TTLL5: variants seen among roughly 807,000 people sequenced by gnomAD.
The protein encoded by TTLL5 is tubulin polyglutamylase TTLL5.
A neutral mutation model predicts 168.4 loss-of-function variants in TTLL5; 132 were observed. That is an observed-to-expected ratio of 0.78 (90% confidence interval 0.68 to 0.91). The LOEUF is 0.91. Among genes scored for constraint, TTLL5 ranks in the 40% least tolerant of loss-of-function variants. The probability of loss-of-function intolerance (pLI) is 0.00; values close to 1 mark genes in which losing one functional copy is unlikely to be tolerated. For missense variants in TTLL5, 1,545 were observed against 1,581.5 expected, an observed-to-expected ratio of 0.98 and a Z score of 0.39; for synonymous variants, 546 against 558.6, an observed-to-expected ratio of 0.98 and a Z score of 0.32.
chr14:75,770,159 C>T (rs1412816115), intron 20 of TTLL5, among the ~76,000 whole-genome samples: 1 of 79,424 alleles, frequency 1.3e-5, no homozygotes, highest in Non-Finnish European at 2.3e-5. Flanking sequence ...GCCTGGGTGA[C>T]AAGAGCAAAA....
At chr14:75,721,813 T>C (rs369007253) in intron 12 of TTLL5, among the ~76,000 whole-genome samples, 3 of 152,202 alleles carry the variant, frequency 2.0e-5, no homozygotes, top group African/African-American at 7.2e-5. Context: ...CTGATCTCTT[T>C]AACAGATTAT....
Position 75,699,275 on chromosome 14 carries a change from G to A in TTLL5, c.585+5G>A, listed in dbSNP as rs1342445765. 6.2e-7 allele frequency: 1 copy of A among 1,613,250 alleles called. No homozygotes were observed. Among genetic ancestry groups the A allele is most frequent in the Admixed American group, 1.7e-5 (1 of 59,978 alleles). ...GGCGTCTACCTGATCAACAATGTAAGTATGCAGCAGATGGCAAACCTCTCT... is the reference window on the plus strand; with the variant it reads ...GGCGTCTACCTGATCAACAATGTAAATATGCAGCAGATGGCAAACCTCTCT... On this transcript the variant is annotated splice_donor_5th_base_variant and intron_variant, in intron 7 of 31. Coordinates refer to ENST00000298832, the MANE Select transcript of TTLL5 (RefSeq NM_015072.5).
In TTLL5 at chr14:75,919,336, A is replaced by G. The variant is rs577734989; in HGVS notation, c.3823+17112A>G. On this transcript the variant is annotated intron_variant, in intron 31 of 31. Transcript: ENST00000298832. ...CTTGAAAAATCCAAAACAGAAGTTC[A>G]CTCAGCAGTATGGAGTCATAATTTT... 2.0e-5 allele frequency among the ~76,000 whole-genome samples: 3 copies of G among 152,206 alleles called. No individual in the cohort carries two copies. In the South Asian group the frequency reaches 6.2e-4, roughly 32 times the overall value.
At chr14:75,932,764 C>CTG (rs147903330) in intron 31 of TTLL5, among the ~76,000 whole-genome samples, 10 of 151,618 alleles carry the variant, frequency 6.6e-5, no homozygotes, top group East Asian at 1.9e-4. Flanking sequence ...TTTTTAATGC[C>CTG]TGTGTGTGTG....
intron 31 of TTLL5, among the ~76,000 whole-genome samples, chr14:75,950,571 CAA>C (rs1013929574): frequency 1.1e-4 from 16 of 152,222 alleles, no homozygotes; most frequent in Non-Finnish European, 2.1e-4. Flanking sequence ...AGAGATGAAA[CAA>C]ATGGTACGAT....
intron 31 of TTLL5, among the ~76,000 whole-genome samples, chr14:75,918,324 G>A (rs1013066529): frequency 1.3e-5 from 2 of 152,236 alleles, no homozygotes; most frequent in South Asian, 4.1e-4. Context: ...AAGAAGGGGG[G>A]ATGGCTAATG....
chr14:75,717,674 G>T, intron 9 of TTLL5, 187 bp from the exon 10 acceptor site: 1 of 565,008 alleles, frequency 1.8e-6, no homozygotes. Context: ...TCATAGGGTT[G>T]CTTTAAGGAT....
At chr14:75,732,828 A>G (rs1466315323) in intron 13 of TTLL5, among the ~76,000 whole-genome samples, 1 of 152,212 alleles carries the variant, frequency 6.6e-6, no homozygotes, top group Non-Finnish European at 1.5e-5. Flanking sequence ...CCATGTGGAT[A>G]ATATGTGGTC....
intron 29 of TTLL5, among the ~76,000 whole-genome samples, chr14:75,881,442 C>T (rs1030429723): frequency 2.0e-5 from 3 of 152,188 alleles, no homozygotes; most frequent in African/African-American, 4.8e-5. Context: ...GCTTAGCCTA[C>T]GACCTTTGAC....
chr14:75,676,980 C>T (rs1158571156), intron 3 of TTLL5, among the ~76,000 whole-genome samples: 4 of 151,998 alleles, frequency 2.6e-5, no homozygotes, highest in Non-Finnish European at 5.9e-5. Flanking sequence ...CTATGTTGCT[C>T]AGGCTGGACT....
At position 75,695,440 on chromosome 14, in the gene TTLL5, T is replaced by G. The variant is rs141324062; in HGVS notation, c.503-3748T>G. The stretch of plus-strand genomic sequence containing the variant: ...GTCCTGTGATCTCACTCTGCCCCCA[T>G]TTGCCTTGTGATATTTTATTGCCTT... On this transcript the variant is annotated intron_variant, in intron 6 of 31. Coordinates refer to ENST00000298832, the MANE Select transcript of TTLL5 (RefSeq NM_015072.5). Among the ~76,000 whole-genome samples the G allele has an allele frequency of 3.3e-3, 496 of 152,276 alleles. 7 individuals carry two copies. Among genetic ancestry groups the G allele is most frequent in the African/African-American group, 0.011 (477 of 41,566 alleles).
At chr14:75,868,031 G>A (rs567965600) in intron 29 of TTLL5, among the ~76,000 whole-genome samples, 3 of 152,276 alleles carry the variant, frequency 2.0e-5, no homozygotes, top group South Asian at 2.1e-4. Flanking sequence ...CTGTGAGGAG[G>A]GCTGCACCGG....
intron 12 of TTLL5, among the ~76,000 whole-genome samples, chr14:75,724,001 A>G (rs1258219181): frequency 1.3e-5 from 2 of 151,362 alleles, no homozygotes; most frequent in Non-Finnish European, 2.9e-5. Flanking sequence ...TTAAGTCACA[A>G]GGAATAAGCT....
At chr14:75,695,745 A>C (rs1323405548) in intron 6 of TTLL5, among the ~76,000 whole-genome samples, 1 of 152,002 alleles carries the variant, frequency 6.6e-6, no homozygotes, top group Admixed American at 6.5e-5. Context: ...TGATAAGCCT[A>C]GTTCACAAAG....
chr14:75,727,956 A>G (rs1179110992), intron 12 of TTLL5: 1 of 395,148 alleles, frequency 2.5e-6, no homozygotes, highest in Non-Finnish European at 5.0e-6. Flanking sequence ...GGTTACATGG[A>G]TATGTCCAAT....
rs550744305 is a variant in TTLL5 at position 75,877,824 on chromosome 14, G to A, written c.3523-4861G>A. On this transcript the variant is annotated intron_variant, in intron 29 of 31. Coordinates refer to ENST00000298832, the MANE Select transcript of TTLL5 (RefSeq NM_015072.5). ...GGGCTGTAGGATTGGGGCCAGTACA[G>A]GACTCTCAGGGTGCCTGGAGAGGCT... is the stretch of plus-strand genomic sequence containing the variant. Among the ~76,000 whole-genome samples the A allele has an allele frequency of 2.6e-5, 4 of 152,334 alleles. No homozygotes were observed. The South Asian group carries it at 8.3e-4, about 32-fold the overall frequency.
At chr14:75,746,277 T>C (rs1248262932) in intron 17 of TTLL5, among the ~76,000 whole-genome samples, 4 of 152,230 alleles carry the variant, frequency 2.6e-5, no homozygotes, top group African/African-American at 9.6e-5. Flanking sequence ...ATGTCATTGT[T>C]TGAATATACC....
At chr14:75,811,930 C>T (rs1242916743) in intron 27 of TTLL5, among the ~76,000 whole-genome samples, 4 of 152,138 alleles carry the variant, frequency 2.6e-5, no homozygotes, top group Non-Finnish European at 5.9e-5. Context: ...GGCCAGCCAC[C>T]GGAAATTGGC....
Position 75,683,620 on chromosome 14 carries a change from C to T in TTLL5, c.335C>T (p.Thr112Ile). 1 of 1,614,056 alleles carries T rather than the reference C, an allele frequency of 6.2e-7. No individual in the cohort carries two copies. The change falls in exon 5 of 32, where the codon ACC (threonine) becomes ATC (isoleucine). Residue 112 changes from threonine to isoleucine, a missense_variant. By Grantham distance (89) the Thr-to-Ile change is moderately conservative (BLOSUM62 -1). Transcript: ENST00000298832. ...GSHLKPFLLRTLSEAQKVNHF... is the reference protein window; with the variant it reads ...GSHLKPFLLRILSEAQKVNHF... ...CACCTGAAGCCCTTCTTACTGCGCA[C>T]CCTCTCTGAAGCACAAAAAGTTAAT... is the stretch of plus-strand genomic sequence containing the variant.
Sources: allele counts gnomAD v4.1 joint callset (sites outside exome capture counted in the v4.1 genomes callset), GRCh38; gene constraint gnomAD v4.1.1; transcripts MANE v1.5; gene names NCBI Gene and HGNC (gene_info 2026-07-23, HGNC 2026-07-21).